PLCL1: variants seen among roughly 807,000 people sequenced by gnomAD.
PLCL1 encodes inactive phospholipase C-like protein 1.
A neutral mutation model predicts 84.4 loss-of-function variants in PLCL1; 41 were observed. The observed-to-expected ratio is 0.49, with a 90% CI of 0.38 to 0.63. The LOEUF (loss-of-function observed/expected upper bound fraction) is 0.63, where lower values mean the gene tolerates loss of function less well. PLCL1 is among the 30% of genes least tolerant of loss of function. The pLI is 0.00. For synonymous variants in PLCL1, 490 were observed against 488.3 expected (o/e 1.00, Z -0.05); for missense variants, 1,206 against 1,367.8 (o/e 0.88, Z 1.87).
chr2:198,124,808 A>T (rs1693948493), intron 5 of PLCL1, among the ~76,000 whole-genome samples: 1 of 152,194 alleles, frequency 6.6e-6, no homozygotes, highest in South Asian at 2.1e-4. Flanking sequence ...TGTACTTTGT[A>T]GAGAATGAAA....
chr2:197,959,964 C>A (rs900199622), intron 1 of PLCL1, among the ~76,000 whole-genome samples: 2 of 152,034 alleles, frequency 1.3e-5, no homozygotes, highest in African/African-American at 4.8e-5. Flanking sequence ...ACATCTGTGG[C>A]ACCTCCACCT....
At position 198,101,362 on chromosome 2, in the gene PLCL1, T is replaced by C; in HGVS notation, c.2995+2T>C. 6.8e-7 allele frequency: 1 copy of C among 1,468,120 alleles called. No individual in the cohort carries two copies. Among genetic ancestry groups the C allele is most frequent in the Non-Finnish European group, 9.3e-7 (1 of 1,074,066 alleles). The allele number at this position is 1,468,120 out of a possible 1,614,324, so 90.9% of individuals were successfully genotyped here. On this transcript the variant is annotated splice_donor_variant, in intron 4 of 5. Coordinates refer to ENST00000428675, the MANE Select transcript of PLCL1 (RefSeq NM_006226.4). LOFTEE classifies it high-confidence loss of function. ...AGATTGTACAGTGTCAGAAAGCAGG[T>C]AATTGTTTTTAATTTTTTTTTCTGT...
chr2:197,889,608 A>T lies in PLCL1; in HGVS notation c.240+84269A>T, dbSNP rs572038599. 1.8e-4 allele frequency among the ~76,000 whole-genome samples: 28 copies of T among 152,328 alleles called. No homozygotes were observed. The South Asian group carries it at 5.6e-3, about 30-fold the overall frequency. On this transcript the variant is annotated intron_variant, in intron 1 of 5. Coordinates refer to ENST00000428675, the MANE Select transcript of PLCL1 (RefSeq NM_006226.4). ...GTTCAAGTTTTTAGGCTACACCAAC[A>T]CACATTTTTTCTGTTGATATTCAAG...
intron 1 of PLCL1, among the ~76,000 whole-genome samples, chr2:197,872,470 C>T (rs1687664959): frequency 6.6e-6 from 1 of 152,102 alleles, no homozygotes. Context: ...ATATGATTGG[C>T]ATCCCTTCCT....
intron 1 of PLCL1, among the ~76,000 whole-genome samples, chr2:197,906,904 C>T (rs892029315): frequency 6.6e-6 from 1 of 152,186 alleles, no homozygotes; most frequent in Non-Finnish European, 1.5e-5. Context: ...GATTTTTACA[C>T]ATTTATTTTG....
intron 1 of PLCL1, among the ~76,000 whole-genome samples, chr2:198,064,404 T>C (rs1692277209): frequency 1.3e-5 from 2 of 152,190 alleles, no homozygotes; most frequent in South Asian, 2.1e-4. Context: ...AATCTTCATT[T>C]CTATCCTGTC....
chr2:198,005,490 A>G (rs1046549197), intron 1 of PLCL1, among the ~76,000 whole-genome samples: 4 of 152,226 alleles, frequency 2.6e-5, no homozygotes, highest in African/African-American at 9.7e-5. Flanking sequence ...TTCACACTTC[A>G]GTTTCTTCAT....
chr2:197,990,015 G>A (rs1690306435), intron 1 of PLCL1, among the ~76,000 whole-genome samples: 1 of 152,268 alleles, frequency 6.6e-6, no homozygotes, highest in Non-Finnish European at 1.5e-5. Flanking sequence ...ATTGAGTCTG[G>A]AATGTTATTT....
At chr2:197,874,561 A>G (rs1404928986) in intron 1 of PLCL1, among the ~76,000 whole-genome samples, 2 of 152,128 alleles carry the variant, frequency 1.3e-5, no homozygotes, top group Non-Finnish European at 2.9e-5. Context: ...AAGTCCTCCA[A>G]ACTATTTAAA....
At chr2:197,922,665 C>T (rs1452767704) in intron 1 of PLCL1, among the ~76,000 whole-genome samples, 28 of 128,044 alleles carry the variant, frequency 2.2e-4, no homozygotes, top group Non-Finnish European at 8.5e-5. Flanking sequence ...CCCCCCACCT[C>T]CCTCCCGGAC....
chr2:197,910,377 G>A (rs530828261), intron 1 of PLCL1, among the ~76,000 whole-genome samples: 1 of 152,206 alleles, frequency 6.6e-6, no homozygotes, highest in Non-Finnish European at 1.5e-5. Flanking sequence ...ACTTGGGCAG[G>A]AATTAGTAGA....
chr2:198,046,059 T>G (rs1027355425), intron 1 of PLCL1, among the ~76,000 whole-genome samples: 1 of 152,196 alleles, frequency 6.6e-6, no homozygotes, highest in Non-Finnish European at 1.5e-5. Context: ...AAGTTTGAGG[T>G]TGGCAAACTA....
At chr2:197,874,874 TA>T in intron 1 of PLCL1, among the ~76,000 whole-genome samples, 1 of 152,298 alleles carries the variant, frequency 6.6e-6, no homozygotes, top group Admixed American at 6.5e-5. Flanking sequence ...AGATAACTAA[TA>T]GTTTACATAA....
At chr2:198,095,071 A>C (rs1693161344) in intron 3 of PLCL1, among the ~76,000 whole-genome samples, 1 of 152,126 alleles carries the variant, frequency 6.6e-6, no homozygotes, top group East Asian at 1.9e-4. Context: ...TAAATACACA[A>C]AGAGAAGAGC....
intron 1 of PLCL1, among the ~76,000 whole-genome samples, chr2:197,865,562 C>G (rs1323801190): frequency 6.6e-6 from 1 of 152,100 alleles, no homozygotes; most frequent in East Asian, 1.9e-4. Context: ...TCAGTGAATT[C>G]TTCTTGAATT....
chr2:197,843,848 G>A (rs1374482741), intron 1 of PLCL1, among the ~76,000 whole-genome samples: 1 of 152,122 alleles, frequency 6.6e-6, no homozygotes, highest in African/African-American at 2.4e-5. Flanking sequence ...TTTTTGACTT[G>A]TCTAGTTTCA....
At chr2:198,055,294 CCTCTCTCTCTCT>C (rs772260935) in intron 1 of PLCL1, among the ~76,000 whole-genome samples, 36 of 120,324 alleles carry the variant, frequency 3.0e-4, no homozygotes, top group East Asian at 1.3e-3. Context: ...CTGGTCAAAG[CCTCTCTCTCTCT>C]CTCTCTCTCT....
In PLCL1 at chr2:198,025,187, T is replaced by C. The variant is rs147380518; in HGVS notation, c.241-58571T>C. ...GGAGTATTCATTCCTGTCTGTTCTC[T>C]ATACCCTTTTAACAAATGAATTTTA... On this transcript the variant is annotated intron_variant, in intron 1 of 5. Coordinates refer to ENST00000428675, the MANE Select transcript of PLCL1 (RefSeq NM_006226.4). 5.3e-5 allele frequency among the ~76,000 whole-genome samples: 8 copies of C among 152,340 alleles called. 1 individual carries two copies. Among genetic ancestry groups the C allele is most frequent in the African/African-American group, 1.9e-4 (8 of 41,592 alleles).
chr2:198,028,652 A>G (rs7573687), intron 1 of PLCL1, among the ~76,000 whole-genome samples: 30,896 of 152,076 alleles, frequency 0.2, 3,241 homozygotes, highest in East Asian at 0.26. Context: ...TTTGTACACA[A>G]ACCGTCTCTA....
Sources: gnomAD v4.1 joint callset for allele counts (sites outside exome capture counted in the v4.1 genomes callset) on GRCh38, gnomAD v4.1.1 for gene constraint, MANE v1.5 for transcripts, NCBI Gene and HGNC (gene_info 2026-07-23, HGNC 2026-07-21) for gene names.